RALGAPA2: variants seen among roughly 807,000 people sequenced by gnomAD.
RALGAPA2 encodes Ral GTPase activating protein catalytic subunit alpha 2, also known as ral GTPase-activating protein subunit alpha-2.
RALGAPA2 carries 139 observed loss-of-function variants against 230.4 expected under a neutral mutation model. The observed-to-expected ratio is 0.60, with a 90% CI of 0.53 to 0.69. The LOEUF (loss-of-function observed/expected upper bound fraction) is 0.69. Among genes scored for constraint, RALGAPA2 ranks in the 30% least tolerant of loss-of-function variants. RALGAPA2 has a pLI of 0.00. For synonymous variants in RALGAPA2, 847 were observed against 837.8 expected, an observed-to-expected ratio of 1.01 and a Z score of -0.19; for missense variants, 2,163 against 2,276.0, an observed-to-expected ratio of 0.95 and a Z score of 1.01.
chr20:20,541,978 T>G (rs1224719853), intron 24 of RALGAPA2, among the ~76,000 whole-genome samples: 1 of 152,212 alleles, frequency 6.6e-6, no homozygotes, highest in East Asian at 1.9e-4. Context: ...ATTATCTGTT[T>G]GCAGATGACA....
chr20:20,408,516 G>A (rs944606105), intron 38 of RALGAPA2, among the ~76,000 whole-genome samples: 2 of 152,180 alleles, frequency 1.3e-5, no homozygotes, highest in African/African-American at 4.8e-5. Context: ...TTCTGATAAT[G>A]TCAAACACTA....
chr20:20,487,803 T>G (rs2061950418), intron 36 of RALGAPA2, among the ~76,000 whole-genome samples: 1 of 151,722 alleles, frequency 6.6e-6, no homozygotes, highest in South Asian at 2.1e-4. Flanking sequence ...TCCCAGCTAC[T>G]CAGGAGGCTG....
chr20:20,525,684 T>C (rs1224284383), intron 28 of RALGAPA2, among the ~76,000 whole-genome samples: 1 of 152,194 alleles, frequency 6.6e-6, no homozygotes, highest in Non-Finnish European at 1.5e-5. Context: ...AGCTGCCTGC[T>C]TGTGTACAGG....
At chr20:20,459,164 A>C (rs1253910803) in intron 37 of RALGAPA2, among the ~76,000 whole-genome samples, 1 of 152,020 alleles carries the variant, frequency 6.6e-6, no homozygotes, top group Non-Finnish European at 1.5e-5. Flanking sequence ...CTATTAAACT[A>C]AGATTATAAA....
intron 17 of RALGAPA2, among the ~76,000 whole-genome samples, chr20:20,590,544 AT>A (rs1362874174): frequency 6.6e-6 from 1 of 152,078 alleles, no homozygotes; most frequent in East Asian, 1.9e-4. Context: ...ATTTCCAATG[AT>A]ACTAGACACA....
At chr20:20,520,306 C>A (rs2062998925) in intron 31 of RALGAPA2, among the ~76,000 whole-genome samples, 1 of 152,114 alleles carries the variant, frequency 6.6e-6, no homozygotes, top group South Asian at 2.1e-4. Flanking sequence ...TACCCACATT[C>A]TACTCCCATT....
rs181937724 is a variant in RALGAPA2, at chr20:20,574,884, T to G, written c.2708-1816A>C. Among the ~76,000 whole-genome samples the G allele has an allele frequency of 1.2e-4, 19 of 152,318 alleles. No individual in the cohort carries two copies. In the East Asian group the frequency reaches 1.9e-3, roughly 15 times the overall value. On this transcript the variant is annotated intron_variant, in intron 20 of 39. Coordinates refer to ENST00000202677, the MANE Select transcript of RALGAPA2 (RefSeq NM_020343.4). ...ACAAAGTTCAGTCTCTGTTCTCATG[T>G]GTCATAGCCTCAGCCCCCATGTGTT...
intron 24 of RALGAPA2, among the ~76,000 whole-genome samples, chr20:20,546,320 C>T (rs776444935): frequency 6.6e-6 from 1 of 151,934 alleles, no homozygotes; most frequent in Non-Finnish European, 1.5e-5. Flanking sequence ...ATAACCAAGA[C>T]TTAATTTAAA....
At position 20,605,189 on chromosome 20, in the gene RALGAPA2, T is replaced by C. The variant is rs773240712; in HGVS notation, c.2024A>G (p.Lys675Arg). The change falls in exon 15 of 40, where the codon AAG (lysine) becomes AGG (arginine). Residue 675 changes from lysine (K) to arginine (R), a missense_variant. Coordinates refer to ENST00000202677, the MANE Select transcript of RALGAPA2 (RefSeq NM_020343.4). ...AGTGGAAATACCTTTGCCTCGTTGC[T>C]TCTTTTCCTTTTGTTCACTTAATTT... ...LDKLSEQKEKKQRGKGCVLDP... is the reference protein window; with the variant it reads ...LDKLSEQKEKRQRGKGCVLDP... 3.7e-6 allele frequency: 6 copies of C among 1,609,562 alleles called. No homozygotes were observed. The highest frequency in any genetic ancestry group is 4.5e-5 in the East Asian group (2 of 44,796).
chr20:20,634,129 G>T, intron 9 of RALGAPA2, among the ~76,000 whole-genome samples: 1 of 150,634 alleles, frequency 6.6e-6, no homozygotes, highest in South Asian at 2.1e-4. Flanking sequence ...GACCCTTTAA[G>T]TTTGAGGCAC....
chr20:20,398,559 C>T lies in RALGAPA2; in HGVS notation c.5618-1825G>A, dbSNP rs552202528. ...TGCTCCCAAAGGGTGGGGTTCCAGT[C>T]GTGGAGCAGAGGAGTAAGCTGTCAG... On this transcript the variant is annotated intron_variant, in intron 38 of 39. Coordinates refer to ENST00000202677, the MANE Select transcript of RALGAPA2 (RefSeq NM_020343.4). The surrounding 1 kb of genome is among the most constrained non-coding windows in gnomAD (Gnocchi z 4.5). 2.9e-4 allele frequency among the ~76,000 whole-genome samples: 44 copies of T among 152,238 alleles called. No homozygotes were observed. The South Asian group carries it at 6.8e-3, about 24-fold the overall frequency.
chr20:20,476,182 A>G (rs6112910), intron 36 of RALGAPA2, among the ~76,000 whole-genome samples: 34 of 152,252 alleles, frequency 2.2e-4, no homozygotes, highest in African/African-American at 7.5e-4. Context: ...ACAAAACCCA[A>G]TCAAAATTCT....
At chr20:20,505,370 C>G in intron 34 of RALGAPA2, 41 bp downstream of exon 34, 1 of 1,542,064 alleles carries the variant, frequency 6.5e-7, no homozygotes, top group South Asian at 1.3e-5. Context: ...CATCTTTAAA[C>G]AGTGCTGGTC....
At chr20:20,621,141 C>CA (rs766431556) in intron 10 of RALGAPA2, among the ~76,000 whole-genome samples, 255 of 101,084 alleles carry the variant, frequency 2.5e-3, no homozygotes, top group African/African-American at 4.9e-3. Context: ...ACTCAGTCTC[C>CA]AAAAAAAAAA....
intron 8 of RALGAPA2, among the ~76,000 whole-genome samples, chr20:20,636,743 G>C (rs2146477670): frequency 6.6e-6 from 1 of 152,212 alleles, no homozygotes; most frequent in East Asian, 1.9e-4. Context: ...AGGAAGATTT[G>C]ACCCCCACCT....
At chr20:20,629,136 C>T (rs1274889079) in intron 10 of RALGAPA2, among the ~76,000 whole-genome samples, 1 of 152,152 alleles carries the variant, frequency 6.6e-6, no homozygotes, top group Non-Finnish European at 1.5e-5. Flanking sequence ...AATTTTCCCT[C>T]CTTGTGTAAA....
At chr20:20,643,899 A>C (rs2067123314) in intron 4 of RALGAPA2, among the ~76,000 whole-genome samples, 1 of 152,016 alleles carries the variant, frequency 6.6e-6, no homozygotes, top group South Asian at 2.1e-4. Context: ...CTCACAAAAC[A>C]TTTTTACAAG....
chr20:20,633,892 ATTCT>A (rs1259425272), intron 9 of RALGAPA2, among the ~76,000 whole-genome samples: 11 of 152,348 alleles, frequency 7.2e-5, no homozygotes, highest in Admixed American at 7.2e-4. Flanking sequence ...TTAATTAATG[ATTCT>A]TTCTTTTAAT....
chr20:20,606,194 C>T (rs1333335475), intron 14 of RALGAPA2, among the ~76,000 whole-genome samples: 1 of 152,160 alleles, frequency 6.6e-6, no homozygotes, highest in African/African-American at 2.4e-5. Flanking sequence ...AACGAATGTT[C>T]CACACCCGCT....
Sources: gnomAD v4.1 joint callset for allele counts (sites outside exome capture counted in the v4.1 genomes callset) on GRCh38, gnomAD v4.1.1 for gene constraint, Gnocchi (gnomAD v3.1) non-coding constraint, MANE v1.5 for transcripts, NCBI Gene and HGNC (gene_info 2026-07-23, HGNC 2026-07-21) for gene names.